The following EDEM1 variants were observed in gnomAD, a reference collection of about 807,000 sequenced individuals.
EDEM1 encodes ER degradation enhancing alpha-mannosidase like protein 1, also known as ER degradation-enhancing alpha-mannosidase-like protein 1.
In EDEM1, 67 loss-of-function variants were observed where a neutral mutation model predicts 74.4. The ratio of observed to expected loss-of-function variants is 0.90; its 90% CI spans 0.74 to 1.10. The LOEUF (loss-of-function observed/expected upper bound fraction) is 1.10, where lower values mean the gene tolerates loss of function less well. Ranked by LOEUF, EDEM1 falls within the 50% of genes least tolerant of loss-of-function variation. EDEM1 has a pLI of 0.00. For synonymous variants in EDEM1, 382 were observed against 335.9 expected, an observed-to-expected ratio of 1.14 and a Z score of -1.50; for missense variants, 926 against 851.6, an observed-to-expected ratio of 1.09 and a Z score of -1.09.
At chr3:5,193,855 C>G (rs1256354492) in intron 1 of EDEM1, among the ~76,000 whole-genome samples, 1 of 152,216 alleles carries the variant, frequency 6.6e-6, no homozygotes, top group Non-Finnish European at 1.5e-5. Context: ...ACCTCGGCCT[C>G]CCAAAGTGCT....
intron 11 of EDEM1, among the ~76,000 whole-genome samples, chr3:5,214,592 A>G (rs2055208170): frequency 2.0e-5 from 3 of 152,202 alleles, no homozygotes; most frequent in Non-Finnish European, 4.4e-5. Flanking sequence ...TAGCCTTTGC[A>G]CCATTCTAAA....
chr3:5,213,974 G>A (rs992312053), intron 11 of EDEM1, among the ~76,000 whole-genome samples: 2 of 152,200 alleles, frequency 1.3e-5, no homozygotes, highest in Admixed American at 6.5e-5. Context: ...TGGACCTGGA[G>A]GGGCAAATGG....
intron 10 of EDEM1, 148 bp from the exon 11 acceptor site, chr3:5,213,171 T>A: frequency 1.3e-6 from 1 of 772,446 alleles, no homozygotes; most frequent in Non-Finnish European, 2.0e-6. Context: ...GCACCACAGT[T>A]GTCAGTCAAT....
intron 6 of EDEM1, 107 bp from the exon 7 acceptor site, chr3:5,207,046 A>C (rs1353251370): frequency 6.7e-7 from 1 of 1,487,332 alleles, no homozygotes; most frequent in Non-Finnish European, 9.0e-7. Context: ...TAGGAGAAAA[A>C]ATTAATGTTA....
In EDEM1 at chr3:5,203,166, C is replaced by G. The variant is rs776881057; in HGVS notation, c.1042+17C>G. On this transcript the variant is annotated intron_variant, in intron 5 of 11. Coordinates refer to ENST00000256497, the MANE Select transcript of EDEM1 (RefSeq NM_014674.3). ...GATTACTAGGTGTGGCACCTTTCCTCGCCATTGGGACTGCACACTGCTTGG... is the reference window on the plus strand; with the variant it reads ...GATTACTAGGTGTGGCACCTTTCCTGGCCATTGGGACTGCACACTGCTTGG... The G allele has an allele frequency of 6.5e-7, 1 of 1,546,104 alleles. No homozygotes were observed. Among genetic ancestry groups the G allele is most frequent in the African/African-American group, 1.4e-5 (1 of 72,552 alleles).
chr3:5,207,975 G>T, intron 7 of EDEM1, 118 bp from the exon 8 acceptor site: 1 of 1,255,728 alleles, frequency 8.0e-7, no homozygotes, highest in Non-Finnish European at 1.1e-6. Context: ...GTCTTTAACC[G>T]TATGTGTAGG....
In EDEM1 at chr3:5,205,058, T is replaced by G. The variant is rs1292540201; in HGVS notation, c.1043-9T>G. ...GCTGGGACCTCAAGTGCCTTGTTTA[T>G]TTTTGCAGGCAATGTCGTGAACATT... is the stretch of plus-strand genomic sequence containing the variant. On this transcript the variant is annotated splice_polypyrimidine_tract_variant and intron_variant, in intron 5 of 11. Transcript: ENST00000256497. 2 of 1,613,064 alleles carry G rather than the reference T, an allele frequency of 1.2e-6. No individual in the cohort carries two copies. Among genetic ancestry groups the G allele is most frequent in the Admixed American group, 3.3e-5 (2 of 59,804 alleles).
At position 5,217,712 on chromosome 3, in the gene EDEM1, T is replaced by G. The variant is rs979083121; in HGVS notation, c.*1794T>G. The G allele has an allele frequency of 4.6e-5, 7 of 152,408 alleles. No homozygotes were observed. Among genetic ancestry groups the G allele is most frequent in the African/African-American group, 1.7e-4 (7 of 41,578 alleles). 9.4% of individuals were successfully genotyped at this position (152,408 alleles called of 1,614,324 possible). On this transcript the variant is annotated 3_prime_UTR_variant, in exon 12 of 12. Coordinates refer to ENST00000256497, the MANE Select transcript of EDEM1 (RefSeq NM_014674.3). ...GAAGCATTATTCTGTTTATTAACAG[T>G]GTCCCATCTACTGAATAGAAAACTT...
Position 5,196,913 on chromosome 3 carries a change from GTCTTTTCTTTTCTTT to G in EDEM1, c.582+1644_582+1658del, listed in dbSNP as rs200427526. Among the ~76,000 whole-genome samples the G allele has an allele frequency of 3.3e-5, 5 of 150,370 alleles. No homozygotes were observed. The East Asian group carries it at 9.7e-4, about 29-fold the overall frequency. On this transcript the variant is annotated intron_variant, in intron 2 of 11. Transcript: ENST00000256497. ...CCCTGAGAGCTTTGTCATCGTCGTC[GTCTTTTCTTTTCTTT>G]TCTTTTCTTTTTTTTTTTTTTGAGA...
chr3:5,205,209 A>C lies in EDEM1; in HGVS notation c.1185A>C (p.Ala395=), dbSNP rs549642692. 1 of 1,614,064 alleles carries C rather than the reference A, an allele frequency of 6.2e-7. No homozygotes were observed. Among genetic ancestry groups the C allele is most frequent in the Non-Finnish European group, 8.5e-7 (1 of 1,180,030 alleles). ...EKEDLEMFNA[A]YQSIQNYLRR... ...AAGACCTAGAAATGTTTAATGCTGC[A>C]TATCAGAGTATTCAGAACTACTTAA... The change falls in exon 6 of 12, where the codon GCA becomes GCC. Residue 395 remains alanine (A), a synonymous_variant. Transcript: ENST00000256497.
chr3:5,191,951 C>T (rs913058460), intron 1 of EDEM1, among the ~76,000 whole-genome samples: 7 of 152,188 alleles, frequency 4.6e-5, no homozygotes, highest in Admixed American at 4.6e-4. Flanking sequence ...AATTTCTTCT[C>T]AACTGTATTG....
At position 5,215,824 on chromosome 3, in the gene EDEM1, T is replaced by C. The variant is rs2055227666; in HGVS notation, c.1885-5T>C. 1.7e-5 allele frequency: 27 copies of C among 1,613,208 alleles called. No homozygotes were observed. The East Asian group carries it at 6.0e-4, about 36-fold the overall frequency. On this transcript the variant is annotated splice_region_variant and splice_polypyrimidine_tract_variant and intron_variant, in intron 11 of 11. Coordinates refer to ENST00000256497, the MANE Select transcript of EDEM1 (RefSeq NM_014674.3). ...TTTAATTTTCCCTCGTTTTTGTCTT[T>C]CTAGTGCAATCGTGTACCTGATGAG... is the stretch of plus-strand genomic sequence containing the variant.
intron 5 of EDEM1, 109 bp downstream of exon 5, chr3:5,203,258 A>G (rs2055055421): frequency 8.6e-7 from 1 of 1,162,228 alleles, no homozygotes; most frequent in Non-Finnish European, 1.2e-6. Flanking sequence ...TTGACAACTC[A>G]GCAAGAATTG....
At chr3:5,188,360 T>A in intron 1 of EDEM1, 46 bp downstream of exon 1, 1 of 1,366,196 alleles carries the variant, frequency 7.3e-7, no homozygotes, top group Non-Finnish European at 9.4e-7. Context: ...CGCGCTTCCT[T>A]CCGCCCTCCG....
chr3:5,203,187 C>G, intron 5 of EDEM1, 38 bp downstream of exon 5: 1 of 1,488,500 alleles, frequency 6.7e-7, no homozygotes, highest in Non-Finnish European at 8.9e-7. Flanking sequence ...CTGCACACTG[C>G]TTGGTCCCCT....
chr3:5,203,885 C>G (rs1035429160), intron 5 of EDEM1, among the ~76,000 whole-genome samples: 1 of 152,118 alleles, frequency 6.6e-6, no homozygotes, highest in Non-Finnish European at 1.5e-5. Flanking sequence ...GCTTGTGCCA[C>G]CATGTCCAGC....
At chr3:5,197,161 C>T (rs1200969382) in intron 2 of EDEM1, among the ~76,000 whole-genome samples, 1 of 150,074 alleles carries the variant, frequency 6.7e-6, no homozygotes, top group Non-Finnish European at 1.5e-5. Flanking sequence ...TTAATGGTGT[C>T]TGGTGCACAG....
At position 5,217,745 on chromosome 3, in the gene EDEM1, AATATAT is replaced by A. The variant is rs1299127323; in HGVS notation, c.*1836_*1841del. On this transcript the variant is annotated 3_prime_UTR_variant, in exon 12 of 12. Transcript: ENST00000256497. ...CTACTGAATAGAAAACTTTGAGAAT[AATATAT>A]ATATATATTTTAAATGTTTTCACTG... The A allele has an allele frequency of 1.3e-5, 2 of 151,658 alleles. No individual in the cohort carries two copies. The highest frequency in any genetic ancestry group is 2.4e-5 in the African/African-American group (1 of 41,314). 9.4% of individuals were successfully genotyped at this position (151,658 alleles called of 1,614,324 possible). A position where few individuals can be genotyped will look rare whatever the true frequency, so the allele number is the denominator to read the frequency against.
Position 5,216,244 on chromosome 3 carries a change from C to T in EDEM1, c.*326C>T, listed in dbSNP as rs2055234044. 3.8e-6 allele frequency: 1 copy of T among 264,974 alleles called. No homozygotes were observed. 16.4% of individuals were successfully genotyped at this position (264,974 alleles called of 1,614,324 possible). A position where few individuals can be genotyped will look rare whatever the true frequency, so the allele number is the denominator to read the frequency against. ...GCTTTATACTTCAGAACCTAAGTCT[C>T]TTCACTTTGCTGGCACCTGCTATAC... On this transcript the variant is annotated 3_prime_UTR_variant, in exon 12 of 12. Transcript: ENST00000256497.
Sources: allele counts gnomAD v4.1 joint callset (sites outside exome capture counted in the v4.1 genomes callset), GRCh38; gene constraint gnomAD v4.1.1; transcripts MANE v1.5; gene names NCBI Gene and HGNC (gene_info 2026-07-23, HGNC 2026-07-21).